Variants in STOX2 observed in about 807,000 individuals in gnomAD.
STOX2 encodes storkhead box 2.
A neutral mutation model predicts 60.9 loss-of-function variants in STOX2; 28 were observed. The observed-to-expected ratio is 0.46, with a 90% CI of 0.34 to 0.63. The LOEUF (loss-of-function observed/expected upper bound fraction) is 0.63, where lower values mean the gene tolerates loss of function less well. Among genes scored for constraint, STOX2 ranks in the 30% least tolerant of loss-of-function variants. STOX2 has a pLI of 0.01. For missense variants in STOX2, 1,024 were observed against 1,187.7 expected, an observed-to-expected ratio of 0.86 and a Z score of 2.03; for synonymous variants, 472 against 463.9, an observed-to-expected ratio of 1.02 and a Z score of -0.22.
At chr4:183,854,851 G>A (rs2111146659) in intron 1 of STOX2, among the ~76,000 whole-genome samples, 1 of 152,158 alleles carries the variant, frequency 6.6e-6, no homozygotes, top group East Asian at 1.9e-4. Flanking sequence ...TTATAAACAG[G>A]GAATGTTTTT....
chr4:183,886,706 C>G (rs949648760), intron 1 of STOX2, among the ~76,000 whole-genome samples: 1 of 152,098 alleles, frequency 6.6e-6, no homozygotes, highest in African/African-American at 2.4e-5. Context: ...TCTTTTTCTT[C>G]TAAGCATCTT....
chr4:183,933,260 G>A (rs960006295), intron 1 of STOX2, among the ~76,000 whole-genome samples: 10 of 152,176 alleles, frequency 6.6e-5, no homozygotes, highest in South Asian at 4.1e-4. Context: ...AAGTGATACC[G>A]ATTTACTTTA....
At chr4:183,926,646 CAG>C (rs764640654) in intron 1 of STOX2, among the ~76,000 whole-genome samples, 5 of 150,304 alleles carry the variant, frequency 3.3e-5, no homozygotes, top group Non-Finnish European at 5.9e-5. Context: ...CTTTTTGAGA[CAG>C]AGTCTTGTTC....
intron 1 of STOX2, among the ~76,000 whole-genome samples, chr4:183,940,502 C>T (rs940135587): frequency 1.3e-5 from 2 of 152,176 alleles, no homozygotes; most frequent in African/African-American, 4.8e-5. Flanking sequence ...ATGGCCACCC[C>T]TCTTCCTGCT....
At chr4:183,901,888 C>T (rs79141224), upstream of STOX2, among the ~76,000 whole-genome samples, 904 of 152,206 alleles carry the variant, frequency 5.9e-3, 2 homozygotes, top group Non-Finnish European at 0.01. Context: ...TGTGGATTGT[C>T]TTTTCTCTGT....
rs1733582023 is a variant in STOX2 at position 184,001,311 on chromosome 4, T to C, written c.167-14T>C. ...TTTTAATGAACCACTCACTTGAAAA[T>C]TGTCTTTCTGCAGGTGATGTATCAC... On this transcript the variant is annotated splice_polypyrimidine_tract_variant and intron_variant, in intron 1 of 3. Coordinates refer to ENST00000308497, the MANE Select transcript of STOX2 (RefSeq NM_020225.3). The surrounding 1 kb of genome is among the most constrained non-coding windows in gnomAD (Gnocchi z 4.2). The C allele has an allele frequency of 6.2e-7, 1 of 1,612,468 alleles. No individual in the cohort carries two copies. The highest frequency in any genetic ancestry group is 8.5e-7 in the Non-Finnish European group (1 of 1,178,864).
intron 2 of STOX2, among the ~76,000 whole-genome samples, chr4:184,007,144 A>G (rs576648816): frequency 1.3e-5 from 2 of 152,318 alleles, no homozygotes; most frequent in African/African-American, 4.8e-5. Context: ...TGCGACTCAA[A>G]AATTAAATAA....
At position 184,011,354 on chromosome 4, in the gene STOX2, C is replaced by A; in HGVS notation, c.2516C>A (p.Thr839Asn). The A allele has an allele frequency of 6.2e-7, 1 of 1,613,982 alleles. No individual in the cohort carries two copies. Among genetic ancestry groups the A allele is most frequent in the Middle Eastern group, 1.6e-4 (1 of 6,062 alleles). The change falls in exon 3 of 4, where the codon ACC becomes AAC. Residue 839 changes from threonine to asparagine, a missense_variant. Transcript: ENST00000308497. The surrounding 1 kb of genome is among the most constrained non-coding windows in gnomAD (Gnocchi z 4.4). ...GACAGCAGCAGCAACCAGAGAGCCA[C>A]CCATTCAGCCCGGCTCGACAGCATG... ...ETDSSSNQRATHSARLDSMDS... is the reference protein window; with the variant it reads ...ETDSSSNQRANHSARLDSMDS...
chr4:183,815,544 C>G (rs1053571535), intron 1 of STOX2, among the ~76,000 whole-genome samples: 2 of 151,814 alleles, frequency 1.3e-5, no homozygotes, highest in Non-Finnish European at 2.9e-5. Flanking sequence ...TTACAAAAAG[C>G]CAGTGAGATT....
chr4:183,808,981 G>T (rs369004667), intron 1 of STOX2, among the ~76,000 whole-genome samples: 18 of 152,318 alleles, frequency 1.2e-4, no homozygotes, highest in African/African-American at 4.3e-4. Flanking sequence ...TTTTCTAGGG[G>T]TAGTGATGAA....
At chr4:183,854,186 A>G (rs999843447) in intron 1 of STOX2, among the ~76,000 whole-genome samples, 24 of 152,232 alleles carry the variant, frequency 1.6e-4, no homozygotes, top group Admixed American at 1.5e-3. Context: ...TCAAACACAT[A>G]TAAGTGTCTT....
chr4:183,802,275 T>G (rs1466924798), intron 1 of STOX2, among the ~76,000 whole-genome samples: 1 of 152,278 alleles, frequency 6.6e-6, no homozygotes, highest in African/African-American at 2.4e-5. Context: ...TTAGAACACA[T>G]GGGCATCAAG....
intron 1 of STOX2, among the ~76,000 whole-genome samples, chr4:183,944,202 AAGTG>A (rs112841173): frequency 0.017 from 2,575 of 152,342 alleles, 83 homozygotes; most frequent in African/African-American, 0.059. Flanking sequence ...CCCTTTTGCT[AAGTG>A]AGTGTCTTGG....
chr4:183,943,639 C>T (rs1456361033), intron 1 of STOX2, among the ~76,000 whole-genome samples: 1 of 152,142 alleles, frequency 6.6e-6, no homozygotes, highest in Non-Finnish European at 1.5e-5. Flanking sequence ...AAAGAAATCT[C>T]AGGCCAAGGC....
At chr4:183,999,585 C>T (rs999079791) in intron 1 of STOX2, among the ~76,000 whole-genome samples, 5 of 152,094 alleles carry the variant, frequency 3.3e-5, no homozygotes, top group South Asian at 2.1e-4. Context: ...GAAAGGGGGG[C>T]GTTGAACTGA....
At chr4:183,961,511 A>G (rs1743412521) in intron 1 of STOX2, among the ~76,000 whole-genome samples, 1 of 152,194 alleles carries the variant, frequency 6.6e-6, no homozygotes. Flanking sequence ...GCTAGCAAGA[A>G]TCTGTAGCCA....
chr4:183,805,806 C>T (rs1738876916), intron 1 of STOX2, among the ~76,000 whole-genome samples: 2 of 152,120 alleles, frequency 1.3e-5, no homozygotes, highest in South Asian at 2.1e-4. Context: ...GAGTGAGACC[C>T]TATCTAAATA....
chr4:183,849,637 TAATTG>T (rs1329136953), intron 1 of STOX2, among the ~76,000 whole-genome samples: 1 of 152,206 alleles, frequency 6.6e-6, no homozygotes, highest in Non-Finnish European at 1.5e-5. Flanking sequence ...GAGATGTCAG[TAATTG>T]ATTATATGAG....
chr4:183,875,267 CCTT>C (rs899828539), intron 1 of STOX2, among the ~76,000 whole-genome samples: 2 of 152,024 alleles, frequency 1.3e-5, no homozygotes, highest in Non-Finnish European at 2.9e-5. Flanking sequence ...TAAGGAAAGT[CCTT>C]CTTTCTCTCC....
Sources: gnomAD v4.1 joint callset for allele counts (sites outside exome capture counted in the v4.1 genomes callset) on GRCh38, gnomAD v4.1.1 for gene constraint, Gnocchi (gnomAD v3.1) non-coding constraint, MANE v1.5 for transcripts, NCBI Gene and HGNC (gene_info 2026-07-23, HGNC 2026-07-21) for gene names.